The following ANKS1B variants were observed in gnomAD, a reference collection of about 807,000 sequenced individuals.
ANKS1B encodes ankyrin repeat and sterile alpha motif domain containing 1B.
In ANKS1B, 36 loss-of-function variants were observed where a neutral mutation model predicts 148.3. That is an observed-to-expected ratio of 0.24 (90% confidence interval 0.19 to 0.32). The LOEUF (loss-of-function observed/expected upper bound fraction) is 0.32. ANKS1B is among the 10% of genes least tolerant of loss of function. The probability of loss-of-function intolerance (pLI) is 1.00; values close to 1 mark genes in which losing one functional copy is unlikely to be tolerated. For missense variants in ANKS1B, 1,157 were observed against 1,542.6 expected (o/e 0.75, Z 4.19); for synonymous variants, 542 against 560.8 (o/e 0.97, Z 0.47).
At chr12:98,760,851 C>T (rs1471818305) in intron 25 of ANKS1B, among the ~76,000 whole-genome samples, 2 of 152,202 alleles carry the variant, frequency 1.3e-5, no homozygotes, top group Non-Finnish European at 1.5e-5. Context: ...AGTCAATCCG[C>T]TCTTGTAGCT....
chr12:99,506,953 TTTGTC>T (rs2096717920), intron 9 of ANKS1B, among the ~76,000 whole-genome samples: 1 of 151,910 alleles, frequency 6.6e-6, no homozygotes, highest in Non-Finnish European at 1.5e-5. Context: ...AAGGCTGGAA[TTTGTC>T]TTGTCCACTA....
At chr12:99,621,029 C>T (rs971033124) in intron 9 of ANKS1B, among the ~76,000 whole-genome samples, 1 of 152,006 alleles carries the variant, frequency 6.6e-6, no homozygotes, top group Non-Finnish European at 1.5e-5. Flanking sequence ...AAAGGGAACC[C>T]CATCAAGCTA....
chr12:99,777,013 A>G (rs1445787381), intron 6 of ANKS1B, among the ~76,000 whole-genome samples: 1 of 152,114 alleles, frequency 6.6e-6, no homozygotes, highest in Non-Finnish European at 1.5e-5. Context: ...TTAACAGCTA[A>G]TTCAATTTTT....
intron 16 of ANKS1B, among the ~76,000 whole-genome samples, chr12:99,074,806 T>C (rs1184527434): frequency 6.6e-6 from 1 of 152,234 alleles, no homozygotes; most frequent in Non-Finnish European, 1.5e-5. Context: ...ATCAGCATTT[T>C]TGTTTGGCTC....
intron 17 of ANKS1B, among the ~76,000 whole-genome samples, chr12:98,845,440 T>C (rs2099449853): frequency 6.6e-6 from 1 of 152,184 alleles, no homozygotes; most frequent in Non-Finnish European, 1.5e-5. Context: ...TGGCTGATTA[T>C]TTTTCTCCCA....
intron 22 of ANKS1B, among the ~76,000 whole-genome samples, chr12:98,795,472 A>G (rs565996290): frequency 6.6e-6 from 1 of 152,330 alleles, no homozygotes; most frequent in East Asian, 1.9e-4. Context: ...TCTGGAGAAT[A>G]CTCAGTTCTA....
At chr12:99,371,683 G>A (rs1183707524) in intron 12 of ANKS1B, among the ~76,000 whole-genome samples, 1 of 151,906 alleles carries the variant, frequency 6.6e-6, no homozygotes, top group Non-Finnish European at 1.5e-5. Flanking sequence ...AAATTCTTCA[G>A]TTTTACAATT....
chr12:99,980,509 C>T (rs1422322952), intron 1 of ANKS1B, among the ~76,000 whole-genome samples: 1 of 151,974 alleles, frequency 6.6e-6, no homozygotes, highest in East Asian at 1.9e-4. Flanking sequence ...TTGTAACCTG[C>T]TGTCCTTGGT....
chr12:99,666,992 A>G (rs950920533), intron 8 of ANKS1B, among the ~76,000 whole-genome samples: 1 of 151,930 alleles, frequency 6.6e-6, no homozygotes, highest in African/African-American at 2.4e-5. Flanking sequence ...GATCTCCAGA[A>G]TTTATTCATC....
At chr12:99,401,928 A>C (rs1048748928) in intron 11 of ANKS1B, among the ~76,000 whole-genome samples, 1 of 146,480 alleles carries the variant, frequency 6.8e-6, no homozygotes, top group African/African-American at 2.6e-5. Context: ...AACTGCACCC[A>C]TTGCTCCCTC....
chr12:99,177,672 C>T (rs747255862), intron 14 of ANKS1B, among the ~76,000 whole-genome samples: 5 of 152,230 alleles, frequency 3.3e-5, no homozygotes, highest in Non-Finnish European at 7.3e-5. Flanking sequence ...CCTGTCTAGG[C>T]TGTCTCATCA....
At chr12:99,653,950 T>C (rs2098437978) in intron 9 of ANKS1B, among the ~76,000 whole-genome samples, 1 of 152,080 alleles carries the variant, frequency 6.6e-6, no homozygotes, top group South Asian at 2.1e-4. Flanking sequence ...AGGTGTGAGA[T>C]ACCACATCGA....
chr12:99,144,979 G>A (rs1222673850), intron 15 of ANKS1B, among the ~76,000 whole-genome samples: 1 of 152,022 alleles, frequency 6.6e-6, no homozygotes, highest in African/African-American at 2.4e-5. Flanking sequence ...CTTTGTTGTG[G>A]CAGCCATAGC....
At chr12:99,064,789 T>C (rs1313981493) in intron 16 of ANKS1B, among the ~76,000 whole-genome samples, 1 of 152,182 alleles carries the variant, frequency 6.6e-6, no homozygotes. Context: ...TATAACATGG[T>C]CCTTGGGGTT....
chr12:98,752,701 G>A (rs1266524083), intron 25 of ANKS1B, among the ~76,000 whole-genome samples: 3 of 152,178 alleles, frequency 2.0e-5, no homozygotes, highest in Admixed American at 2.0e-4. Context: ...GTGGCCCCAG[G>A]AGCCCACACC....
At chr12:99,344,224 T>A (rs994045198) in intron 12 of ANKS1B, among the ~76,000 whole-genome samples, 1 of 152,050 alleles carries the variant, frequency 6.6e-6, no homozygotes, top group Non-Finnish European at 1.5e-5. Flanking sequence ...TGTGTGTTTG[T>A]CCATGCTATT....
At chr12:99,504,733 T>G in intron 9 of ANKS1B, 92 bp from the exon 10 acceptor site, 2 of 986,324 alleles carry the variant, frequency 2.0e-6, no homozygotes, top group Non-Finnish European at 2.9e-6. Flanking sequence ...GGTTCATTAG[T>G]TCTTTCCAAA....
chr12:99,355,763 C>CA (rs1212368689), intron 12 of ANKS1B, among the ~76,000 whole-genome samples: 1 of 152,074 alleles, frequency 6.6e-6, no homozygotes, highest in Non-Finnish European at 1.5e-5. Flanking sequence ...GAACTATTTA[C>CA]CCAGCTTACA....
intron 17 of ANKS1B, among the ~76,000 whole-genome samples, chr12:98,919,295 C>A (rs1180866837): frequency 1.3e-5 from 2 of 152,090 alleles, no homozygotes; most frequent in African/African-American, 4.8e-5. Context: ...TCAGAAAAAT[C>A]TAATCTGTGT....
Sources: allele counts gnomAD v4.1 joint callset (sites outside exome capture counted in the v4.1 genomes callset), GRCh38; gene constraint gnomAD v4.1.1; transcripts MANE v1.5; gene names NCBI Gene and HGNC (gene_info 2026-07-23, HGNC 2026-07-21).